TTC17: variants seen among roughly 807,000 people sequenced by gnomAD.
TTC17 encodes the protein tetratricopeptide repeat domain 17.
TTC17 carries 58 observed loss-of-function variants against 143.8 expected under a neutral mutation model. That is an observed-to-expected ratio of 0.40 (90% CI 0.33 to 0.50). TTC17 has a LOEUF of 0.50. Ranked by LOEUF, TTC17 falls within the 20% of genes least tolerant of loss-of-function variation. TTC17 has a pLI of 0.49. For missense variants in TTC17, 1,273 were observed against 1,392.5 expected (o/e 0.91, Z 1.37); for synonymous variants, 501 against 497.8 (o/e 1.01, Z -0.09).
chr11:43,407,943 C>CT (rs777393821), intron 15 of TTC17, among the ~76,000 whole-genome samples: 2 of 151,994 alleles, frequency 1.3e-5, no homozygotes, highest in African/African-American at 2.4e-5. Context: ...TGTTTTACAA[C>CT]TTTAATTTAT....
At position 43,438,398 on chromosome 11, in the gene TTC17, A is replaced by G. The variant is rs193109040; in HGVS notation, c.2252-4927A>G. Among the ~76,000 whole-genome samples the G allele has an allele frequency of 4.1e-4, 62 of 152,290 alleles. 1 individual carries two copies. Among genetic ancestry groups the G allele is most frequent in the African/African-American group, 1.1e-3 (46 of 41,550 alleles). On this transcript the variant is annotated intron_variant, in intron 16 of 23. Coordinates refer to ENST00000039989, the MANE Select transcript of TTC17 (RefSeq NM_018259.6). ...GGTCTCAAAGTCCTGAGCTCAGGCA[A>G]TCCACCCACCTTGGCCTCCCAAATG...
chr11:43,483,970 C>T (rs1316689669), intron 21 of TTC17, among the ~76,000 whole-genome samples: 1 of 152,094 alleles, frequency 6.6e-6, no homozygotes, highest in Non-Finnish European at 1.5e-5. Flanking sequence ...AGTGAAACCT[C>T]CTCCCTACTA....
chr11:43,494,820 T>G lies in TTC17; in HGVS notation c.*916T>G, dbSNP rs1348392816. On this transcript the variant is annotated 3_prime_UTR_variant, in exon 24 of 24. Coordinates refer to ENST00000039989, the MANE Select transcript of TTC17 (RefSeq NM_018259.6). ...AGGAGGGTAATGAGCCAAGGTTGAG[T>G]GTTTCCATACAATGCTTTTACCTTT... is the stretch of plus-strand genomic sequence containing the variant. 7 of 152,164 alleles carry G rather than the reference T, an allele frequency of 4.6e-5. No homozygotes were observed. The highest frequency in any genetic ancestry group is 8.8e-5 in the Non-Finnish European group (6 of 68,024). The allele number at this position is 152,164 out of a possible 1,614,324, so 9.4% of individuals were successfully genotyped here. A position where few individuals can be genotyped will look rare whatever the true frequency, so the allele number is the denominator to read the frequency against.
intron 1 of TTC17, among the ~76,000 whole-genome samples, chr11:43,362,948 C>T (rs1390423768): frequency 1.3e-5 from 2 of 152,148 alleles, no homozygotes; most frequent in African/African-American, 2.4e-5. Flanking sequence ...AGAGAAACCC[C>T]GTCTTCTTCT....
intron 15 of TTC17, 111 bp from the exon 16 acceptor site, chr11:43,414,479 A>G (rs1019908737): frequency 2.7e-6 from 3 of 1,103,030 alleles, no homozygotes; most frequent in Admixed American, 4.7e-5. Context: ...AGTTAGCAAT[A>G]ACGTTTATGG....
chr11:43,409,169 T>C lies in TTC17; in HGVS notation c.2064+1592T>C, dbSNP rs187482468. ...GTACAGGTGATCTCTAAAAAACTTA[T>C]TCCTACCTAATTTTAAAGCCCTCAA... is the stretch of plus-strand genomic sequence containing the variant. On this transcript the variant is annotated intron_variant, in intron 15 of 23. Coordinates refer to ENST00000039989, the MANE Select transcript of TTC17 (RefSeq NM_018259.6). 1.5e-4 allele frequency among the ~76,000 whole-genome samples: 23 copies of C among 152,342 alleles called. No homozygotes were observed. In the East Asian group the frequency reaches 4.2e-3, roughly 28 times the overall value.
chr11:43,361,934 G>C (rs1319557252), intron 1 of TTC17, among the ~76,000 whole-genome samples: 1 of 150,386 alleles, frequency 6.6e-6, no homozygotes, highest in Non-Finnish European at 1.5e-5. Context: ...TCATAAAGAA[G>C]TACTTATGAC....
At chr11:43,467,075 CAAA>C (rs367649226) in intron 21 of TTC17, among the ~76,000 whole-genome samples, 8,339 of 150,158 alleles carry the variant, frequency 0.056, 290 homozygotes, top group East Asian at 0.076. Flanking sequence ...TAAAAACTAA[CAAA>C]AAAAAATGAT....
At chr11:43,485,602 T>C (rs1948364894) in intron 21 of TTC17, among the ~76,000 whole-genome samples, 1 of 152,098 alleles carries the variant, frequency 6.6e-6, no homozygotes, top group Non-Finnish European at 1.5e-5. Context: ...ACAAAACATA[T>C]AAATTGATGA....
intron 16 of TTC17, among the ~76,000 whole-genome samples, chr11:43,422,817 A>G (rs1422884637): frequency 6.6e-6 from 1 of 152,192 alleles, no homozygotes; most frequent in African/African-American, 2.4e-5. Context: ...GAGGATGGCA[A>G]GCAACTCTTA....
chr11:43,375,170 A>G (rs1361301562), intron 1 of TTC17, among the ~76,000 whole-genome samples: 1 of 152,184 alleles, frequency 6.6e-6, no homozygotes, highest in Non-Finnish European at 1.5e-5. Context: ...CAAGATGGCT[A>G]GTTACCAATA....
intron 1 of TTC17, chr11:43,370,277 T>A (rs1856512742): frequency 6.8e-6 from 2 of 293,982 alleles, no homozygotes; most frequent in Non-Finnish European, 1.4e-5. Context: ...CTCATCTTGC[T>A]TGCTACCATA....
intron 21 of TTC17, among the ~76,000 whole-genome samples, chr11:43,472,810 A>G (rs1259126282): frequency 2.6e-5 from 4 of 151,600 alleles, no homozygotes; most frequent in Non-Finnish European, 5.9e-5. Context: ...AATCATTTAC[A>G]GTATGTGTTC....
rs369476991 is a variant in TTC17 at position 43,398,708 on chromosome 11, A to G, written c.1058+595A>G. Reference sequence around the variant, plus strand: ...AACATTTCCTTCAATCAGTAGGGCTAGTTAAGAAACTTCATGTTAACTCAG... The same window carrying G: ...AACATTTCCTTCAATCAGTAGGGCTGGTTAAGAAACTTCATGTTAACTCAG... On this transcript the variant is annotated intron_variant, in intron 8 of 23. Coordinates refer to ENST00000039989, the MANE Select transcript of TTC17 (RefSeq NM_018259.6). 3.2e-3 allele frequency among the ~76,000 whole-genome samples: 489 copies of G among 152,358 alleles called. 1 individual carries two copies. The highest frequency in any genetic ancestry group is 5.2e-3 in the Non-Finnish European group (357 of 68,036).
intron 19 of TTC17, chr11:43,449,717 G>A (rs983705108): frequency 6.0e-6 from 1 of 165,608 alleles, no homozygotes; most frequent in African/African-American, 2.4e-5. Context: ...ATAATAGTAA[G>A]CTTGTATATG....
chr11:43,430,721 A>G (rs1306513090), intron 16 of TTC17, among the ~76,000 whole-genome samples: 2 of 149,936 alleles, frequency 1.3e-5, no homozygotes, highest in South Asian at 2.1e-4. Flanking sequence ...ACACACACAC[A>G]CACACACACA....
intron 16 of TTC17, among the ~76,000 whole-genome samples, chr11:43,415,156 A>G (rs765516976): frequency 8.5e-5 from 13 of 152,178 alleles, no homozygotes; most frequent in African/African-American, 2.2e-4. Flanking sequence ...CAGTTCTTCT[A>G]TATACTCAGT....
rs903835393 is a variant in TTC17 at position 43,453,184 on chromosome 11, G to T, written c.3030+1919G>T. 1.7e-4 allele frequency among the ~76,000 whole-genome samples: 17 copies of T among 98,338 alleles called. No homozygotes were observed. In the East Asian group the frequency reaches 2.5e-3, roughly 14 times the overall value. The allele number at this position is 98,338 out of a possible 152,430, so 64.5% of individuals were successfully genotyped here. ...GAAGTGACAAGTGACGAAAATAAGA[G>T]AGTTAAAGAAAAATTGAAGATAACA... On this transcript the variant is annotated intron_variant, in intron 21 of 23. Transcript: ENST00000039989.
At chr11:43,438,810 A>G (rs1358960332) in intron 16 of TTC17, among the ~76,000 whole-genome samples, 1 of 152,156 alleles carries the variant, frequency 6.6e-6, no homozygotes, top group Non-Finnish European at 1.5e-5. Flanking sequence ...GTTGTTTCTT[A>G]TCAAATATAG....
Sources: allele counts gnomAD v4.1 joint callset (sites outside exome capture counted in the v4.1 genomes callset), GRCh38; gene constraint gnomAD v4.1.1; transcripts MANE v1.5; gene names NCBI Gene and HGNC (gene_info 2026-07-23, HGNC 2026-07-21).